Variants in MOB3B observed in about 807,000 individuals in gnomAD.
MOB3B encodes the protein MOB kinase activator 3B.
Under a neutral mutation model 18.7 loss-of-function variants are expected in MOB3B, and 7 were observed. The ratio of observed to expected loss-of-function variants is 0.37; its 90% CI spans 0.21 to 0.70. MOB3B has a LOEUF of 0.70. MOB3B is among the 30% of genes least tolerant of loss of function. The probability of loss-of-function intolerance (pLI) is 0.52; values close to 1 mark genes in which losing one functional copy is unlikely to be tolerated. For synonymous variants in MOB3B, 111 were observed against 99.9 expected, an observed-to-expected ratio of 1.11 and a Z score of -0.66; for missense variants, 253 against 281.3, an observed-to-expected ratio of 0.90 and a Z score of 0.72.
chr9:27,455,270 G>T lies in MOB3B; in HGVS notation c.281C>A (p.Pro94His), dbSNP rs773601227. 22 of 1,613,870 alleles carry T rather than the reference G, an allele frequency of 1.4e-5. No homozygotes were observed. Among genetic ancestry groups the T allele is most frequent in the Non-Finnish European group, 1.9e-5 (22 of 1,179,964 alleles). Residue 94 changes from proline to histidine, a missense_variant, in exon 2 of 4, where the codon CCC becomes CAC. By Grantham distance (77) the Pro-to-His change is moderately conservative. Transcript: ENST00000262244. ...ATCCTGCCACCGATACTCATATTTG[G>T]GGCCCCCTGACATCACAGGACAGGT... ...ERTCPVMSGG[P>H]KYEYRWQDDL...
chr9:27,357,056 G>T (rs1378110370), intron 3 of MOB3B, among the ~76,000 whole-genome samples: 1 of 141,998 alleles, frequency 7.0e-6, no homozygotes, highest in Non-Finnish European at 1.5e-5. Context: ...TTAAAGTAAA[G>T]ATGTGAGCCA....
chr9:27,348,050 G>T (rs936870862), intron 3 of MOB3B, among the ~76,000 whole-genome samples: 50 of 152,294 alleles, frequency 3.3e-4, no homozygotes, highest in African/African-American at 1.2e-3. Flanking sequence ...GTGGTGGAGG[G>T]CAAGTTACTG....
chr9:27,422,782 A>T (rs540811399), intron 2 of MOB3B, among the ~76,000 whole-genome samples: 1 of 152,360 alleles, frequency 6.6e-6, no homozygotes, highest in African/African-American at 2.4e-5. Flanking sequence ...GAAAAAATTT[A>T]TCAGGAGACA....
At chr9:27,375,796 C>A (rs1395883196) in intron 2 of MOB3B, among the ~76,000 whole-genome samples, 2 of 152,138 alleles carry the variant, frequency 1.3e-5, no homozygotes, top group Admixed American at 6.5e-5. Flanking sequence ...GGCATTAGCA[C>A]CCATTGGGAC....
chr9:27,343,018 A>G (rs899196561), intron 3 of MOB3B, among the ~76,000 whole-genome samples: 39 of 151,748 alleles, frequency 2.6e-4, no homozygotes, highest in Non-Finnish European at 2.6e-4. Flanking sequence ...CATGATGACG[A>G]TGGTGGTTTT....
intron 2 of MOB3B, among the ~76,000 whole-genome samples, chr9:27,362,585 AT>A (rs1821287907): frequency 6.6e-6 from 1 of 152,062 alleles, no homozygotes; most frequent in Non-Finnish European, 1.5e-5. Context: ...CATGTAATTC[AT>A]TCTTCAAAAG....
At chr9:27,349,306 T>TGCCTGTAA (rs1197803388) in intron 3 of MOB3B, among the ~76,000 whole-genome samples, 3 of 152,238 alleles carry the variant, frequency 2.0e-5, no homozygotes, top group African/African-American at 7.2e-5. Flanking sequence ...GGCTAGGTAC[T>TGCCTGTAA]GCCTGTAACC....
chr9:27,521,653 G>C lies in MOB3B; in HGVS notation c.-199+7902C>G, dbSNP rs529082540. ...AGAAGTTATATGAGGTATGTAAAAA[G>C]CCATGGCCCTCAGAGAGGCTTTGCA... On this transcript the variant is annotated intron_variant, in intron 1 of 3. Transcript: ENST00000262244. Among the ~76,000 whole-genome samples the C allele has an allele frequency of 2.0e-5, 3 of 152,240 alleles. No individual in the cohort carries two copies. In the South Asian group the frequency reaches 6.2e-4, roughly 32 times the overall value.
chr9:27,400,703 T>C (rs1054729332), intron 2 of MOB3B, among the ~76,000 whole-genome samples: 4 of 152,216 alleles, frequency 2.6e-5, no homozygotes, highest in African/African-American at 7.2e-5. Context: ...AAAGTCCTAC[T>C]TAGAGAAGGT....
At chr9:27,435,120 G>A (rs925304557) in intron 2 of MOB3B, among the ~76,000 whole-genome samples, 4 of 151,806 alleles carry the variant, frequency 2.6e-5, no homozygotes, top group African/African-American at 9.7e-5. Context: ...ATGGTTAAAT[G>A]AGGAGGGAGG....
chr9:27,486,323 A>C (rs551541557), intron 1 of MOB3B, among the ~76,000 whole-genome samples: 114 of 152,358 alleles, frequency 7.5e-4, no homozygotes, highest in African/African-American at 2.6e-3. Context: ...ATACCTATCT[A>C]AAGTTTCATT....
At chr9:27,504,251 C>T (rs968071246) in intron 1 of MOB3B, among the ~76,000 whole-genome samples, 2 of 152,206 alleles carry the variant, frequency 1.3e-5, no homozygotes, top group Non-Finnish European at 2.9e-5. Flanking sequence ...CCAGTGATAA[C>T]AATGCTACTG....
intron 2 of MOB3B, among the ~76,000 whole-genome samples, chr9:27,375,441 A>G (rs190501771): frequency 4.6e-5 from 7 of 152,214 alleles, no homozygotes; most frequent in African/African-American, 1.7e-4. Context: ...CTTTATTAAC[A>G]TTCATAGGTG....
intron 2 of MOB3B, among the ~76,000 whole-genome samples, chr9:27,372,395 A>G (rs1178517349): frequency 6.6e-6 from 1 of 152,264 alleles, no homozygotes. Flanking sequence ...TCTCCTGTGT[A>G]GTGAGATTCC....
chr9:27,445,393 C>G (rs1163125592), intron 2 of MOB3B, among the ~76,000 whole-genome samples: 3 of 152,080 alleles, frequency 2.0e-5, no homozygotes, highest in Non-Finnish European at 4.4e-5. Context: ...TAAATCAGAA[C>G]TGAAGATGAG....
intron 2 of MOB3B, among the ~76,000 whole-genome samples, chr9:27,431,050 C>T (rs748263051): frequency 7.9e-5 from 12 of 151,936 alleles, no homozygotes; most frequent in African/African-American, 1.5e-4. Context: ...TAAATGACTG[C>T]GATTTTGTGC....
intron 1 of MOB3B, among the ~76,000 whole-genome samples, chr9:27,507,140 A>G (rs2131498563): frequency 6.6e-6 from 1 of 152,284 alleles, no homozygotes; most frequent in East Asian, 1.9e-4. Context: ...CATTGTGTCT[A>G]TGAGTCAATG....
At chr9:27,402,374 G>A (rs954975323) in intron 2 of MOB3B, among the ~76,000 whole-genome samples, 1 of 152,164 alleles carries the variant, frequency 6.6e-6, no homozygotes, top group South Asian at 2.1e-4. Context: ...GCCCGGCACA[G>A]CACTTCACAG....
At chr9:27,412,527 T>C (rs534310831) in intron 2 of MOB3B, among the ~76,000 whole-genome samples, 1 of 152,358 alleles carries the variant, frequency 6.6e-6, no homozygotes, top group Non-Finnish European at 1.5e-5. Flanking sequence ...GTTATTAGTC[T>C]CTTGTTTGGT....
Sources: allele counts gnomAD v4.1 joint callset (sites outside exome capture counted in the v4.1 genomes callset), GRCh38; gene constraint gnomAD v4.1.1; transcripts MANE v1.5; gene names NCBI Gene and HGNC (gene_info 2026-07-23, HGNC 2026-07-21).